The following IL1RAPL1 variants were observed in gnomAD, a reference collection of about 807,000 sequenced individuals.
IL1RAPL1 encodes the protein interleukin 1 receptor accessory protein like 1.
A neutral mutation model predicts 48.4 loss-of-function variants in IL1RAPL1; 3 were observed. The observed-to-expected ratio is 0.06, with a 90% CI of 0.03 to 0.16. The LOEUF is 0.16. IL1RAPL1 is among the 10% of genes least tolerant of loss of function. The pLI is 1.00. For missense variants in IL1RAPL1, 349 were observed against 530.6 expected (o/e 0.66, Z 3.36); for synonymous variants, 185 against 187.7 (o/e 0.99, Z 0.12).
intron 2 of IL1RAPL1, among the ~76,000 whole-genome samples, chrX:28,901,608 T>A (rs1601951052): frequency 8.9e-6 from 1 of 111,952 alleles, no homozygotes; most frequent in South Asian, 3.7e-4. Context: ...CCATCTGAAA[T>A]GCTGATGGCT....
rs143055428 is a variant in IL1RAPL1 at position 28,685,939 on chromosome X, T to C, written c.-25+97892T>C. ...TATGTGACATAGTTCAAGGACTATATTTAACAGAGTTGAGTAGATTCAGTG... is the reference window on the plus strand; with the variant it reads ...TATGTGACATAGTTCAAGGACTATACTTAACAGAGTTGAGTAGATTCAGTG... On this transcript the variant is annotated intron_variant, in intron 1 of 10. Transcript: ENST00000378993. 4.0e-3 allele frequency among the ~76,000 whole-genome samples: 449 copies of C among 112,240 alleles called. 4 individuals carry two copies. The highest frequency in any genetic ancestry group is 6.2e-3 in the Non-Finnish European group (331 of 53,208).
At chrX:29,611,571 G>A (rs1434944918) in intron 5 of IL1RAPL1, among the ~76,000 whole-genome samples, 1 of 111,583 alleles carries the variant, frequency 9.0e-6, no homozygotes, top group Non-Finnish European at 1.9e-5. Context: ...TGAGGGCTGT[G>A]TCATGCGCCA....
chrX:28,762,841 G>T (rs1471178176), intron 1 of IL1RAPL1, among the ~76,000 whole-genome samples: 1 of 54,252 alleles, frequency 1.8e-5, no homozygotes, highest in Non-Finnish European at 4.1e-5. Flanking sequence ...GAGAGAGAGA[G>T]AGAGAGAGAG....
At chrX:28,705,767 G>T (rs149284325) in intron 1 of IL1RAPL1, among the ~76,000 whole-genome samples, 6,875 of 111,398 alleles carry the variant, frequency 0.062, 425 homozygotes, top group East Asian at 0.32. Context: ...GTAGGCACAT[G>T]AATTCCAAAG....
chrX:29,220,886 A>G (rs1234319246), intron 2 of IL1RAPL1, among the ~76,000 whole-genome samples: 1 of 111,620 alleles, frequency 9.0e-6, no homozygotes, highest in Non-Finnish European at 1.9e-5. Flanking sequence ...GTCTGAGGTA[A>G]TGGCTAGGCA....
At chrX:29,792,561 C>G (rs1002342876) in intron 6 of IL1RAPL1, among the ~76,000 whole-genome samples, 1 of 110,915 alleles carries the variant, frequency 9.0e-6, no homozygotes, top group Non-Finnish European at 1.9e-5. Flanking sequence ...GTCTGAGGAT[C>G]TTAAAAGGTA....
intron 2 of IL1RAPL1, among the ~76,000 whole-genome samples, chrX:29,110,297 A>G (rs1043850534): frequency 1.8e-5 from 2 of 111,741 alleles, no homozygotes; most frequent in African/African-American, 3.2e-5. Context: ...CTTTATCTTT[A>G]CTTTTACTGG....
At chrX:28,706,355 A>G (rs1935373421) in intron 1 of IL1RAPL1, among the ~76,000 whole-genome samples, 1 of 111,357 alleles carries the variant, frequency 9.0e-6, no homozygotes, top group South Asian at 3.8e-4. Context: ...AATACTGTTC[A>G]CACAATGAAA....
At chrX:29,295,342 C>T (rs1932433822) in intron 3 of IL1RAPL1, among the ~76,000 whole-genome samples, 1 of 111,781 alleles carries the variant, frequency 8.9e-6, no homozygotes, top group African/African-American at 3.3e-5. Flanking sequence ...AAATAAAGTT[C>T]CCCCATCGCT....
chrX:28,771,955 AAAAAG>A (rs1569169249), intron 1 of IL1RAPL1, among the ~76,000 whole-genome samples: 1 of 109,127 alleles, frequency 9.2e-6, no homozygotes, highest in African/African-American at 3.3e-5. Context: ...AAAAAAAAAA[AAAAAG>A]AAAAAAGAAA....
At chrX:29,301,151 T>C (rs751444356) in intron 3 of IL1RAPL1, among the ~76,000 whole-genome samples, 30 of 112,072 alleles carry the variant, frequency 2.7e-4, no homozygotes, top group Admixed American at 4.7e-4. Context: ...TTTGTGGCTC[T>C]CCTGGTCTGA....
intron 6 of IL1RAPL1, among the ~76,000 whole-genome samples, chrX:29,812,548 A>G (rs752997380): frequency 2.6e-4 from 29 of 111,454 alleles, no homozygotes; most frequent in Non-Finnish European, 5.1e-4. Flanking sequence ...TGACATGTTC[A>G]TCATTAACGT....
At chrX:28,784,232 T>C (rs1372809020) in intron 1 of IL1RAPL1, among the ~76,000 whole-genome samples, 4 of 112,032 alleles carry the variant, frequency 3.6e-5, no homozygotes, top group Non-Finnish European at 7.5e-5. Context: ...TAAATTGAAC[T>C]CTTGGAAAAA....
intron 1 of IL1RAPL1, among the ~76,000 whole-genome samples, chrX:28,635,454 T>A (rs951513367): frequency 8.9e-6 from 1 of 112,005 alleles, no homozygotes; most frequent in African/African-American, 3.2e-5. Flanking sequence ...CAAGTACCCA[T>A]ACAACCATTC....
chrX:29,780,224 TAAAAG>T (rs1221139563), intron 6 of IL1RAPL1, among the ~76,000 whole-genome samples: 3 of 111,782 alleles, frequency 2.7e-5, no homozygotes, highest in African/African-American at 9.7e-5. Context: ...TACAAATTCT[TAAAAG>T]AAGATAAAAG....
At chrX:29,591,583 C>G (rs1923372156) in intron 5 of IL1RAPL1, among the ~76,000 whole-genome samples, 2 of 112,245 alleles carry the variant, frequency 1.8e-5, no homozygotes, top group South Asian at 3.7e-4. Context: ...GGGCACTCTC[C>G]TGTCTCTCCA....
chrX:29,307,177 T>G (rs150490939), intron 3 of IL1RAPL1, among the ~76,000 whole-genome samples: 2,668 of 111,666 alleles, frequency 0.024, 40 homozygotes, highest in Non-Finnish European at 0.034. Flanking sequence ...CTTTGTCTGG[T>G]TAACTCCTCC....
At chrX:29,254,210 T>C (rs913593715) in intron 2 of IL1RAPL1, among the ~76,000 whole-genome samples, 11 of 111,555 alleles carry the variant, frequency 9.9e-5, no homozygotes, top group African/African-American at 3.6e-4. Flanking sequence ...AAGCTGCTTA[T>C]ATTAGATATA....
intron 6 of IL1RAPL1, among the ~76,000 whole-genome samples, chrX:29,779,283 T>C (rs915485844): frequency 9.9e-5 from 11 of 111,450 alleles, no homozygotes; most frequent in African/African-American, 3.6e-4. Flanking sequence ...AAACTGGGAT[T>C]CTGGACCCCA....
Sources: gnomAD v4.1 joint callset for allele counts (sites outside exome capture counted in the v4.1 genomes callset) on GRCh38, gnomAD v4.1.1 for gene constraint, MANE v1.5 for transcripts, NCBI Gene and HGNC (gene_info 2026-07-23, HGNC 2026-07-21) for gene names.